PDXDC1: variants seen among roughly 807,000 people sequenced by gnomAD.
PDXDC1 encodes pyridoxal dependent decarboxylase domain containing 1.
In PDXDC1, 42 loss-of-function variants were observed where a neutral mutation model predicts 100.1. That is an observed-to-expected ratio of 0.42 (90% confidence interval 0.33 to 0.54). PDXDC1 has a LOEUF of 0.54. PDXDC1 is among the 20% of genes least tolerant of loss of function. The pLI is 0.10. For synonymous variants in PDXDC1, 260 were observed against 371.7 expected (o/e 0.70, Z 3.46); for missense variants, 636 against 979.2 (o/e 0.65, Z 4.68).
At chr16:15,146,509 G>A in the PDXDC1 span, among the ~76,000 whole-genome samples, 9 of 152,116 alleles carry the variant, frequency 5.9e-5, no homozygotes, top group African/African-American at 2.2e-4. Flanking sequence ...CGCGTCAAAA[G>A]GCACCAATGG....
chr16:15,122,325 C>CT (rs1414397063), intron 16 of PDXDC1, among the ~76,000 whole-genome samples: 29 of 147,304 alleles, frequency 2.0e-4, no homozygotes, highest in Middle Eastern at 7.0e-3. Context: ...ATCCTCCCAC[C>CT]TCAGCCTCTC....
intron 13 of PDXDC1, 49 bp from the exon 14 acceptor site, chr16:15,026,594 C>T (rs376566020): frequency 0.017 from 24,431 of 1,456,870 alleles, 1 homozygote; most frequent in Non-Finnish European, 0.021. Flanking sequence ...ATTTTGAAGG[C>T]GTCTGGAGTT....
chr16:14,997,335 G>A (rs1469868660), intron 1 of PDXDC1, among the ~76,000 whole-genome samples: 3 of 152,264 alleles, frequency 2.0e-5, no homozygotes, highest in Non-Finnish European at 2.9e-5. Flanking sequence ...TCAAGAGTTC[G>A]AGACTAGCAT....
chr16:15,048,178 G>T, intron 16 of PDXDC1: 1 of 1,004,802 alleles, frequency 1.0e-6, no homozygotes, highest in Middle Eastern at 2.9e-4. Flanking sequence ...GAGAGCCAAA[G>T]TGGGCTCTGC....
At chr16:15,039,269 CCTT>C (rs1035268316), downstream of PDXDC1, among the ~76,000 whole-genome samples, 2 of 152,180 alleles carry the variant, frequency 1.3e-5, no homozygotes, top group Non-Finnish European at 2.9e-5. Context: ...CTGTTACACT[CCTT>C]GAGAAGTCCT....
intron 21 of PDXDC1, among the ~76,000 whole-genome samples, chr16:15,034,792 A>T (rs539040850): frequency 3.3e-5 from 5 of 152,324 alleles, no homozygotes; most frequent in Admixed American, 2.6e-4. Context: ...CACCACCGCA[A>T]GGCCATGAGG....
At chr16:15,070,923 A>G (rs938601729) in intron 16 of PDXDC1, among the ~76,000 whole-genome samples, 7 of 152,316 alleles carry the variant, frequency 4.6e-5, no homozygotes, top group South Asian at 2.1e-4. Context: ...AGCCTTACAT[A>G]CAGGGTTTTA....
In PDXDC1 at chr16:15,111,582, A is replaced by AC. The variant is rs1205468674; in HGVS notation, c.1400-27293dup. ...AGACCATCCTGGGCAACATGGTGAA[A>AC]CCCCGTCTCTACTAAAAATACAAAA... On this transcript the variant is annotated intron_variant, in intron 16 of 16. Transcript: ENST00000535621. Among the ~76,000 whole-genome samples the AC allele has an allele frequency of 1.1e-3, 163 of 147,346 alleles. 1 individual carries two copies. The highest frequency in any genetic ancestry group is 3.9e-3 in the African/African-American group (159 of 40,856).
chr16:15,148,370 A>ATTTTTTTTTTTTT, the PDXDC1 span, among the ~76,000 whole-genome samples: 12 of 34,118 alleles, frequency 3.5e-4, 3 homozygotes, highest in African/African-American at 7.1e-4. Flanking sequence ...AGATCCTGTG[A>ATTTTTTTTTTTTT]TTTTTTTTTT....
chr16:15,029,920 C>T lies in PDXDC1; in HGVS notation c.1294-31C>T, dbSNP rs1268823948. The T allele has an allele frequency of 7.2e-6, 11 of 1,537,422 alleles. No homozygotes were observed. The East Asian group carries it at 7.4e-5, about 10-fold the overall frequency. ...CTGAAGACGTCTGAGTCCCTTGTTA[C>T]AGGAGGGTGTTCATTGTGTCCTCCT... On this transcript the variant is annotated intron_variant, in intron 15 of 22. Transcript: ENST00000396410.
chr16:15,080,927 T>A (rs2045674124), intron 16 of PDXDC1, among the ~76,000 whole-genome samples: 1 of 152,038 alleles, frequency 6.6e-6, no homozygotes. Context: ...AATGGAGTCA[T>A]ACACAGTTTG....
chr16:14,990,966 C>T (rs1474423331), intron 1 of PDXDC1, among the ~76,000 whole-genome samples: 5 of 152,404 alleles, frequency 3.3e-5, no homozygotes, highest in Admixed American at 6.5e-5. Flanking sequence ...GTCTCGAACT[C>T]CTGGGCCTCA....
downstream of PDXDC1, among the ~76,000 whole-genome samples, chr16:15,141,111 A>C (rs1598292381): frequency 1.8e-5 from 2 of 110,474 alleles, no homozygotes; most frequent in African/African-American, 3.2e-5. Flanking sequence ...ATCCCTGAGC[A>C]CCCGCCCAGC....
At chr16:15,055,143 G>T (rs993004245) in intron 16 of PDXDC1, among the ~76,000 whole-genome samples, 3 of 152,082 alleles carry the variant, frequency 2.0e-5, no homozygotes, top group Non-Finnish European at 4.4e-5. Flanking sequence ...CCTTTAACAG[G>T]ATCTATGGCA....
At chr16:15,093,699 G>A (rs2046233247) in intron 16 of PDXDC1, among the ~76,000 whole-genome samples, 1 of 152,152 alleles carries the variant, frequency 6.6e-6, no homozygotes, top group Non-Finnish European at 1.5e-5. Flanking sequence ...TTTTAAAAGT[G>A]GAGCAAAATA....
intron 3 of PDXDC1, among the ~76,000 whole-genome samples, chr16:15,000,032 C>T (rs927438070): frequency 3.3e-5 from 5 of 152,280 alleles, no homozygotes; most frequent in South Asian, 2.1e-4. Context: ...CACTCCTATT[C>T]GTAGCATGAA....
At chr16:14,988,611 A>T (rs1969962912) in intron 1 of PDXDC1, 1 of 1,613,624 alleles carries the variant, frequency 6.2e-7, no homozygotes, top group African/African-American at 1.3e-5. Flanking sequence ...ATAGATCTTG[A>T]CAGGCTGGCC....
At chr16:15,004,511 TAGA>T (rs1240017860) in intron 5 of PDXDC1, among the ~76,000 whole-genome samples, 178 bp downstream of exon 5, 2 of 152,294 alleles carry the variant, frequency 1.3e-5, no homozygotes. Context: ...ACCTATTTCA[TAGA>T]AGCGTTGTGA....
intron 16 of PDXDC1, among the ~76,000 whole-genome samples, chr16:15,079,472 T>C (rs1268588703): frequency 1.3e-5 from 2 of 152,242 alleles, no homozygotes; most frequent in African/African-American, 4.8e-5. Context: ...ACCATACTTT[T>C]ACATTTGGAT....
Sources: allele counts gnomAD v4.1 joint callset (sites outside exome capture counted in the v4.1 genomes callset), GRCh38; gene constraint gnomAD v4.1.1; transcripts MANE v1.5; gene names NCBI Gene and HGNC (gene_info 2026-07-23, HGNC 2026-07-21).